MYO3B: variants seen among roughly 807,000 people sequenced by gnomAD.
MYO3B encodes the protein myosin-IIIb.
In MYO3B, 156 loss-of-function variants were observed where a neutral mutation model predicts 174.6. The observed-to-expected ratio is 0.89, with a 90% CI of 0.78 to 1.02. The LOEUF (loss-of-function observed/expected upper bound fraction) is 1.02. MYO3B is among the 50% of genes least tolerant of loss of function. MYO3B has a pLI of 0.00. For synonymous variants in MYO3B, 563 were observed against 569.1 expected (o/e 0.99, Z 0.15); for missense variants, 1,632 against 1,639.4 (o/e 1.00, Z 0.08).
intron 7 of MYO3B, among the ~76,000 whole-genome samples, chr2:170,307,460 T>C (rs76928590): frequency 2.6e-3 from 401 of 152,308 alleles, no homozygotes; most frequent in Non-Finnish European, 4.5e-3. Flanking sequence ...ATGCTACCTT[T>C]CTTGCTGTTA....
chr2:170,648,729 ATATAT>A (rs1332417267), intron 32 of MYO3B, among the ~76,000 whole-genome samples: 53 of 115,332 alleles, frequency 4.6e-4, no homozygotes, highest in Middle Eastern at 4.1e-3. Flanking sequence ...TATGTAAAAT[ATATAT>A]TATATTCTAT....
chr2:170,396,371 A>T (rs887593404), intron 16 of MYO3B, among the ~76,000 whole-genome samples: 1 of 152,084 alleles, frequency 6.6e-6, no homozygotes, highest in Admixed American at 6.6e-5. Context: ...ACATATAACT[A>T]ATTGAATTTT....
chr2:170,456,177 G>A (rs1365119683), intron 23 of MYO3B, among the ~76,000 whole-genome samples: 5 of 152,026 alleles, frequency 3.3e-5, no homozygotes, highest in Admixed American at 6.5e-5. Flanking sequence ...GGGGTGGGGC[G>A]GTAAATGATT....
In MYO3B at chr2:170,603,564, C is replaced by CT. The variant is rs543859403; in HGVS notation, c.3734-48056dup. 7.4e-3 allele frequency among the ~76,000 whole-genome samples: 1,117 copies of CT among 151,886 alleles called. 16 individuals carry two copies. The highest frequency in any genetic ancestry group is 0.025 in the African/African-American group (1,052 of 41,436). Reference sequence around the variant, plus strand: ...AAGGAGTCACACAAACATCAGCCACCTTTTTTTTACTACAAAACAGGAAAA... The same window carrying CT: ...AAGGAGTCACACAAACATCAGCCACCTTTTTTTTTACTACAAAACAGGAAAA... On this transcript the variant is annotated intron_variant, in intron 32 of 34. Coordinates refer to ENST00000408978, the MANE Select transcript of MYO3B (RefSeq NM_138995.5).
At chr2:170,191,485 C>T (rs1403308936) in intron 1 of MYO3B, among the ~76,000 whole-genome samples, 1 of 152,086 alleles carries the variant, frequency 6.6e-6, no homozygotes, top group Non-Finnish European at 1.5e-5. Context: ...GGTGGTGAGG[C>T]TTGCCAGAAC....
intron 7 of MYO3B, among the ~76,000 whole-genome samples, chr2:170,291,226 G>A (rs536397148): frequency 6.6e-6 from 1 of 152,156 alleles, no homozygotes; most frequent in South Asian, 2.1e-4. Flanking sequence ...TCCAGCCTGG[G>A]CCAACAACAG....
intron 14 of MYO3B, 21 bp downstream of exon 14, chr2:170,387,329 C>G: frequency 1.2e-6 from 2 of 1,609,702 alleles, no homozygotes; most frequent in Non-Finnish European, 1.7e-6. Flanking sequence ...TACTTTATCA[C>G]TGTGTTTTTG....
intron 8 of MYO3B, among the ~76,000 whole-genome samples, chr2:170,367,248 C>G (rs1305807860): frequency 2.0e-5 from 3 of 152,028 alleles, no homozygotes; most frequent in Non-Finnish European, 2.9e-5. Context: ...GGAAGAAAGC[C>G]AAAACAAAAA....
At position 170,444,028 on chromosome 2, in the gene MYO3B, C is replaced by T. The variant is rs2094822010; in HGVS notation, c.2712C>T (p.Phe904=). ...TVASSSLPPH[F]SAGKAKVDTL... is the part of the protein sequence containing the mutation. The stretch of plus-strand genomic sequence containing the variant: ...CCTCAAGTTCTTTGCCTCCACATTT[C>T]AGTGCTGGGAAAGCCAAGGTGAGTA... Residue 904 remains phenylalanine (F), a synonymous_variant, in exon 23 of 35, where the codon TTC becomes TTT. Transcript: ENST00000408978. 1 of 1,613,256 alleles carries T rather than the reference C, an allele frequency of 6.2e-7. No individual in the cohort carries two copies. Among genetic ancestry groups the T allele is most frequent in the Non-Finnish European group, 8.5e-7 (1 of 1,179,366 alleles).
chr2:170,188,116 T>G (rs2092490426), intron 1 of MYO3B, among the ~76,000 whole-genome samples: 1 of 152,192 alleles, frequency 6.6e-6, no homozygotes, highest in South Asian at 2.1e-4. Flanking sequence ...GCTCTAAAAT[T>G]TACATATCAG....
chr2:170,279,842 A>G (rs541675365), intron 7 of MYO3B, among the ~76,000 whole-genome samples: 38 of 152,252 alleles, frequency 2.5e-4, no homozygotes, highest in African/African-American at 8.9e-4. Context: ...TATATATACC[A>G]TGTTTTCTTT....
chr2:170,562,285 C>T (rs116567962), intron 32 of MYO3B, among the ~76,000 whole-genome samples: 1,545 of 152,184 alleles, frequency 0.01, 18 homozygotes, highest in African/African-American at 0.034. Flanking sequence ...CATTCATATC[C>T]GTATAAACTT....
rs373764152 is a variant in MYO3B, at chr2:170,389,253, C to A, written c.1577+1945C>A. 4.6e-5 allele frequency among the ~76,000 whole-genome samples: 7 copies of A among 152,258 alleles called. No homozygotes were observed. In the South Asian group the frequency reaches 1.0e-3, roughly 23 times the overall value. On this transcript the variant is annotated intron_variant, in intron 14 of 34. Transcript: ENST00000408978. ...TTCATCTAACTGTTGGGATTCACCCCCTTCTGGGCACACTGTAGGGTTCCT... is the reference window on the plus strand; with the variant it reads ...TTCATCTAACTGTTGGGATTCACCCACTTCTGGGCACACTGTAGGGTTCCT...
intron 7 of MYO3B, among the ~76,000 whole-genome samples, chr2:170,277,787 C>T (rs2093474259): frequency 6.6e-6 from 1 of 152,090 alleles, no homozygotes; most frequent in South Asian, 2.1e-4. Context: ...CCACTGTCAC[C>T]AGTTTGCTGC....
At chr2:170,341,802 G>A (rs559631321) in intron 8 of MYO3B, among the ~76,000 whole-genome samples, 3 of 152,082 alleles carry the variant, frequency 2.0e-5, no homozygotes, top group Non-Finnish European at 4.4e-5. Flanking sequence ...GAACTTCAAG[G>A]TTATATCTCC....
At chr2:170,236,209 T>G in intron 7 of MYO3B, 73 bp downstream of exon 7, 1 of 1,583,660 alleles carries the variant, frequency 6.3e-7, no homozygotes. Flanking sequence ...TAATAAATAG[T>G]TTGCAAGCAA....
chr2:170,528,407 T>G (rs1032466657), intron 30 of MYO3B, among the ~76,000 whole-genome samples: 2 of 152,148 alleles, frequency 1.3e-5, no homozygotes, highest in Non-Finnish European at 2.9e-5. Flanking sequence ...CAAGGCAAAA[T>G]TTTATTTTAT....
At chr2:170,346,577 C>T (rs2094017818) in intron 8 of MYO3B, among the ~76,000 whole-genome samples, 4 of 152,100 alleles carry the variant, frequency 2.6e-5, no homozygotes, top group South Asian at 4.1e-4. Flanking sequence ...CTTTTTCTCT[C>T]TTTCATTTTA....
intron 22 of MYO3B, among the ~76,000 whole-genome samples, chr2:170,414,411 A>G (rs917085152): frequency 2.0e-5 from 3 of 151,884 alleles, no homozygotes; most frequent in Non-Finnish European, 2.9e-5. Context: ...CTGGTCTCGA[A>G]CTCCTGACCT....
Sources: gnomAD v4.1 joint callset for allele counts (sites outside exome capture counted in the v4.1 genomes callset) on GRCh38, gnomAD v4.1.1 for gene constraint, MANE v1.5 for transcripts, NCBI Gene and HGNC (gene_info 2026-07-23, HGNC 2026-07-21) for gene names.